Variants in OR51B5 observed in about 807,000 individuals in gnomAD.
OR51B5 encodes olfactory receptor 51B5.
For synonymous variants in OR51B5, 186 were observed against 144.8 expected (o/e 1.28, Z -2.04); for missense variants, 456 against 374.6 (o/e 1.22, Z -1.79).
intron 1 of OR51B5, among the ~76,000 whole-genome samples, chr11:5,488,166 T>A (rs1043942364): frequency 1.6e-4 from 25 of 152,164 alleles, no homozygotes; most frequent in African/African-American, 6.0e-4. Flanking sequence ...CATAAAGACA[T>A]AGTTCTAACC....
intron 1 of OR51B5, among the ~76,000 whole-genome samples, chr11:5,493,039 C>T (rs534720158): frequency 2.2e-4 from 34 of 152,196 alleles, no homozygotes; most frequent in African/African-American, 5.3e-4. Flanking sequence ...AAAATCCTAC[C>T]GTTTGAGTTT....
chr11:5,489,593 A>G (rs771669861), intron 1 of OR51B5: 1 of 1,613,932 alleles, frequency 6.2e-7, no homozygotes, highest in South Asian at 1.1e-5. Context: ...CCTATTCTCT[A>G]TGGAGCTAGA....
chr11:5,383,113 G>A (rs2133720529), intron 1 of OR51B5, among the ~76,000 whole-genome samples: 1 of 151,772 alleles, frequency 6.6e-6, no homozygotes, highest in African/African-American at 2.4e-5. Context: ...TCTAAATGTT[G>A]ATGGCATTTG....
At chr11:5,492,320 A>G (rs999056872) in intron 1 of OR51B5, among the ~76,000 whole-genome samples, 2 of 152,132 alleles carry the variant, frequency 1.3e-5, no homozygotes, top group Admixed American at 1.3e-4. Context: ...CTGAGCTCTG[A>G]AGAAACTCAC....
At chr11:5,396,847 A>G (rs886183120) in intron 1 of OR51B5, among the ~76,000 whole-genome samples, 3 of 152,248 alleles carry the variant, frequency 2.0e-5, no homozygotes, top group African/African-American at 7.2e-5. Context: ...TACTGGTACC[A>G]AAACAGAGAT....
At chr11:5,361,360 A>G (rs1391250950) in intron 1 of OR51B5, among the ~76,000 whole-genome samples, 1 of 152,162 alleles carries the variant, frequency 6.6e-6, no homozygotes, top group Non-Finnish European at 1.5e-5. Flanking sequence ...AGTGGGCCGT[A>G]GGGAGGAGTT....
chr11:5,468,391 AG>A (rs1851170320), intron 1 of OR51B5: 1 of 285,296 alleles, frequency 3.5e-6, no homozygotes, highest in Admixed American at 4.8e-5. Flanking sequence ...GTACGTCTGG[AG>A]GGAGATTGAA....
intron 1 of OR51B5, among the ~76,000 whole-genome samples, chr11:5,472,960 A>G (rs1851250761): frequency 6.6e-6 from 1 of 152,204 alleles, no homozygotes; most frequent in Admixed American, 6.5e-5. Context: ...AAAGTCCCGC[A>G]TTAGGAGAAA....
intron 1 of OR51B5, among the ~76,000 whole-genome samples, chr11:5,495,968 C>T (rs2133817851): frequency 1.3e-5 from 2 of 152,210 alleles, no homozygotes; most frequent in Admixed American, 1.3e-4. Context: ...TCATATGTTC[C>T]TGATACCTTA....
At chr11:5,458,489 C>G (rs1450841752) in intron 1 of OR51B5, among the ~76,000 whole-genome samples, 1 of 152,080 alleles carries the variant, frequency 6.6e-6, no homozygotes, top group Non-Finnish European at 1.5e-5. Context: ...TTCCCTAATT[C>G]TGAGAAGATG....
intron 1 of OR51B5, among the ~76,000 whole-genome samples, chr11:5,352,981 C>A (rs1849125725): frequency 6.6e-6 from 1 of 150,764 alleles, no homozygotes; most frequent in South Asian, 2.1e-4. Context: ...GCCCATTGCT[C>A]TCCATATGGC....
At chr11:5,373,099 A>C (rs1313461049) in intron 1 of OR51B5, among the ~76,000 whole-genome samples, 3 of 152,200 alleles carry the variant, frequency 2.0e-5, no homozygotes, top group Admixed American at 6.5e-5. Context: ...TAGTGTTGGG[A>C]AAACTGGATA....
chr11:5,451,185 C>T (rs1850841806), intron 1 of OR51B5, among the ~76,000 whole-genome samples: 1 of 152,202 alleles, frequency 6.6e-6, no homozygotes, highest in Non-Finnish European at 1.5e-5. Context: ...ACAAAATTAG[C>T]AATCCCCAAG....
At chr11:5,362,247 G>A (rs1849295737) in intron 1 of OR51B5, among the ~76,000 whole-genome samples, 1 of 152,180 alleles carries the variant, frequency 6.6e-6, no homozygotes, top group Non-Finnish European at 1.5e-5. Context: ...GGGGATGGGA[G>A]TAGATAAGGA....
At chr11:5,475,912 T>C (rs1380412005) in intron 1 of OR51B5, among the ~76,000 whole-genome samples, 1 of 152,236 alleles carries the variant, frequency 6.6e-6, no homozygotes, top group Non-Finnish European at 1.5e-5. Flanking sequence ...TTCTTTGCCA[T>C]TGTATCTAGA....
intron 1 of OR51B5, among the ~76,000 whole-genome samples, chr11:5,447,019 A>G (rs2133780891): frequency 6.6e-6 from 1 of 152,300 alleles, no homozygotes; most frequent in East Asian, 1.9e-4. Flanking sequence ...GAACTCTAAA[A>G]CATCAATTAC....
At chr11:5,347,774 G>A (rs1414781662), upstream of OR51B5, among the ~76,000 whole-genome samples, 3 of 152,078 alleles carry the variant, frequency 2.0e-5, no homozygotes, top group African/African-American at 7.2e-5. Context: ...AGGAGGTAGG[G>A]AGAGAGGGAA....
In OR51B5 at chr11:5,412,484, G is replaced by A. The variant is rs560470122; in HGVS notation, n.85-65574C>T. On this transcript the variant is annotated intron_variant and non_coding_transcript_variant, in intron 1 of 4. Transcript: ENST00000415970. Reference sequence around the variant, plus strand: ...TACTGTGCGCCAGCCGAAGCAGGGCGAGGCATTGCCTCACTCGGGAAGCGC... The same window carrying A: ...TACTGTGCGCCAGCCGAAGCAGGGCAAGGCATTGCCTCACTCGGGAAGCGC... Among the ~76,000 whole-genome samples, 15 of 152,316 alleles carry A rather than the reference G, an allele frequency of 9.8e-5. No homozygotes were observed. The South Asian group carries it at 2.1e-3, about 21-fold the overall frequency.
chr11:5,364,883 T>C (rs1204447551), intron 1 of OR51B5, among the ~76,000 whole-genome samples: 1 of 152,254 alleles, frequency 6.6e-6, no homozygotes, highest in Non-Finnish European at 1.5e-5. Context: ...TATAGTTTTA[T>C]TAAATGATTT....
Sources: gnomAD v4.1 joint callset for allele counts (sites outside exome capture counted in the v4.1 genomes callset) on GRCh38, gnomAD v4.1.1 for gene constraint, MANE v1.5 for transcripts, NCBI Gene and HGNC (gene_info 2026-07-23, HGNC 2026-07-21) for gene names.